The following ZNF136 variants were observed in gnomAD, a reference collection of about 807,000 sequenced individuals.
ZNF136 encodes the protein zinc finger protein 136.
A neutral mutation model predicts 11.4 loss-of-function variants in ZNF136; 8 were observed. That is an observed-to-expected ratio of 0.70 (90% CI 0.41 to 1.27). The LOEUF is 1.27. Ranked by LOEUF, ZNF136 falls within the 50% of genes most tolerant of loss-of-function variation. ZNF136 has a pLI of 0.01. For missense variants in ZNF136, 590 were observed against 656.5 expected, an observed-to-expected ratio of 0.90 and a Z score of 1.11; for synonymous variants, 190 against 207.1, an observed-to-expected ratio of 0.92 and a Z score of 0.71.
intron 1 of ZNF136, among the ~76,000 whole-genome samples, chr19:12,177,904 C>A (rs1914841110): frequency 6.6e-6 from 1 of 152,096 alleles, no homozygotes; most frequent in Non-Finnish European, 1.5e-5. Flanking sequence ...TCTCGGGAGT[C>A]TGAGACCAGC....
chr19:12,176,722 G>C (rs557390156), intron 1 of ZNF136, among the ~76,000 whole-genome samples: 9 of 152,306 alleles, frequency 5.9e-5, no homozygotes, highest in Non-Finnish European at 1.2e-4. Context: ...CCTGAAGCAG[G>C]GTGGGAGACA....
chr19:12,187,090 A>G lies in ZNF136; in HGVS notation c.712A>G (p.Ser238Gly), dbSNP rs575188368. The change falls in exon 4 of 4, where the codon AGT becomes GGT. Residue 238 changes from serine to glycine, a missense_variant. Coordinates refer to ENST00000343979, the MANE Select transcript of ZNF136 (RefSeq NM_003437.5). Reference sequence around the variant, plus strand: ...TGGAAAAGCCTTCACTTGTATCACAAGTGTTCGAAGACACATGATAAAGCA... The same window carrying G: ...TGGAAAAGCCTTCACTTGTATCACAGGTGTTCGAAGACACATGATAAAGCA... ...ECGKAFTCIT[S>G]VRRHMIKHTG... is the part of the protein sequence containing the mutation. 1.2e-6 allele frequency: 2 copies of G among 1,614,110 alleles called. No homozygotes were observed. Among genetic ancestry groups the G allele is most frequent in the African/African-American group, 1.3e-5 (1 of 75,022 alleles).
At chr19:12,173,525 AC>A (rs1914712203) in intron 1 of ZNF136, among the ~76,000 whole-genome samples, 2 of 152,136 alleles carry the variant, frequency 1.3e-5, no homozygotes, top group African/African-American at 4.8e-5. Flanking sequence ...AGCGAGTCAT[AC>A]TGTAACTCTA....
intron 1 of ZNF136, among the ~76,000 whole-genome samples, chr19:12,172,466 T>C (rs1914681790): frequency 6.6e-6 from 1 of 152,184 alleles, no homozygotes; most frequent in Non-Finnish European, 1.5e-5. Context: ...CACTTGTTTA[T>C]ACTTGCTCTG....
Position 12,187,364 on chromosome 19 carries a change from T to C in ZNF136, c.986T>C (p.Ile329Thr). ...YLPSLRLHER[I>T]HTGEKPFVCK... is the part of the protein sequence containing the mutation. ...CCCTCCCTTCGACTACATGAAAGAA[T>C]TCACACTGGTGAGAAACCCTTCGTA... Residue 329 changes from isoleucine (I) to threonine (T), a missense_variant, in exon 4 of 4, where the codon ATT (isoleucine) becomes ACT (threonine). Ile to Thr is a moderately conservative substitution (Grantham distance 89, BLOSUM62 -1). Transcript: ENST00000343979. The C allele has an allele frequency of 1.2e-6, 2 of 1,613,840 alleles. No homozygotes were observed. The highest frequency in any genetic ancestry group is 3.3e-4 in the Middle Eastern group (2 of 6,062).
chr19:12,177,435 C>T (rs765686322), intron 1 of ZNF136, among the ~76,000 whole-genome samples: 5 of 152,178 alleles, frequency 3.3e-5, no homozygotes, highest in Non-Finnish European at 7.3e-5. Context: ...CTCTACCTCC[C>T]GGGTCCCAGT....
At chr19:12,179,998 T>G (rs1431945766) in intron 1 of ZNF136, among the ~76,000 whole-genome samples, 5 of 152,166 alleles carry the variant, frequency 3.3e-5, no homozygotes, top group African/African-American at 7.2e-5. Context: ...CCCGAGTAGC[T>G]GGGACTACAG....
chr19:12,181,034 A>G (rs891968646), intron 1 of ZNF136, among the ~76,000 whole-genome samples: 2 of 152,004 alleles, frequency 1.3e-5, no homozygotes, highest in African/African-American at 4.8e-5. Context: ...TCTGCCCCCA[A>G]CCTCACCCCA....
chr19:12,182,267 G>A (rs1328459639), intron 1 of ZNF136, among the ~76,000 whole-genome samples: 1 of 151,896 alleles, frequency 6.6e-6, no homozygotes, highest in Non-Finnish European at 1.5e-5. Context: ...TCTTCTCTAA[G>A]TGCAAACCCT....
intron 3 of ZNF136, among the ~76,000 whole-genome samples, 178 bp from the exon 4 acceptor site, chr19:12,186,391 TG>T: frequency 6.6e-6 from 1 of 152,042 alleles, no homozygotes; most frequent in Non-Finnish European, 1.5e-5. Context: ...AGAATATCAC[TG>T]TTTGAGTGAT....
intron 1 of ZNF136, among the ~76,000 whole-genome samples, chr19:12,164,247 A>G (rs1977153189): frequency 6.6e-6 from 1 of 152,080 alleles, no homozygotes; most frequent in African/African-American, 2.4e-5. Context: ...AGCCAATCAG[A>G]TGCTGGTATT....
At chr19:12,186,015 G>A (rs144803622) in intron 2 of ZNF136, 99 bp from the exon 3 acceptor site, 15 of 1,593,090 alleles carry the variant, frequency 9.4e-6, no homozygotes, top group Non-Finnish European at 1.2e-5. Context: ...TACTTGGGGG[G>A]CTAAAACAGG....
chr19:12,187,404 T>A lies in ZNF136; in HGVS notation c.1026T>A (p.Gly342=). The change falls in exon 4 of 4, where the codon GGT becomes GGA. Residue 342 remains glycine, a synonymous_variant. Coordinates refer to ENST00000343979, the MANE Select transcript of ZNF136 (RefSeq NM_003437.5). ...AACCCTTCGTATGTAAACAATGTGG[T>A]AAAGCCTTTAGATCTGCCAGTACCT... is the stretch of plus-strand genomic sequence containing the variant. The part of the protein sequence containing the change: ...GEKPFVCKQC[G]KAFRSASTFQ... 1 of 1,613,744 alleles carries A rather than the reference T, an allele frequency of 6.2e-7. No individual in the cohort carries two copies. Among genetic ancestry groups the A allele is most frequent in the South Asian group, 1.1e-5 (1 of 91,080 alleles).
chr19:12,176,566 A>C (rs1256772222), intron 1 of ZNF136, among the ~76,000 whole-genome samples: 2 of 152,080 alleles, frequency 1.3e-5, no homozygotes, highest in Non-Finnish European at 2.9e-5. Context: ...ACCTCAGGTG[A>C]TCCATCTGCT....
chr19:12,175,395 A>G (rs1286895515), intron 1 of ZNF136, among the ~76,000 whole-genome samples: 1 of 152,056 alleles, frequency 6.6e-6, no homozygotes, highest in African/African-American at 2.4e-5. Context: ...GGGTTTTGCC[A>G]TGTTGGCCAG....
chr19:12,163,384 C>A (rs1443028541), intron 1 of ZNF136, among the ~76,000 whole-genome samples, 178 bp downstream of exon 1: 1 of 152,348 alleles, frequency 6.6e-6, no homozygotes, highest in East Asian at 1.9e-4. Flanking sequence ...GGCCGGCAGC[C>A]GGGACCCCGG....
At chr19:12,185,988 G>A (rs1183092393) in intron 2 of ZNF136, 77 bp downstream of exon 2, 1 of 1,602,706 alleles carries the variant, frequency 6.2e-7, no homozygotes, top group African/African-American at 1.3e-5. Flanking sequence ...TCCATGGTTT[G>A]CATCATGGAG....
At chr19:12,182,151 A>G (rs1007627165) in intron 1 of ZNF136, among the ~76,000 whole-genome samples, 1 of 152,254 alleles carries the variant, frequency 6.6e-6, no homozygotes, top group African/African-American at 2.4e-5. Flanking sequence ...AGTGGATGAC[A>G]GTTTTATAAA....
chr19:12,183,577 A>G (rs961575821), intron 1 of ZNF136, among the ~76,000 whole-genome samples: 2 of 151,130 alleles, frequency 1.3e-5, no homozygotes, highest in South Asian at 2.1e-4. Context: ...CTATCTATCT[A>G]TCTATCTATC....
Sources: allele counts gnomAD v4.1 joint callset (sites outside exome capture counted in the v4.1 genomes callset), GRCh38; gene constraint gnomAD v4.1.1; transcripts MANE v1.5; gene names NCBI Gene and HGNC (gene_info 2026-07-23, HGNC 2026-07-21).